Variants in PRXL2C observed in about 807,000 individuals in gnomAD.
The protein encoded by PRXL2C is peroxiredoxin-like 2C.
A neutral mutation model predicts 24.9 loss-of-function variants in PRXL2C; 38 were observed. The observed-to-expected ratio is 1.53, with a 90% CI of 1.18 to 2.00. PRXL2C has a LOEUF of 2.00. PRXL2C is among the 30% of genes most tolerant of loss of function. PRXL2C has a pLI of 0.00. For missense variants in PRXL2C, 294 were observed against 290.9 expected, an observed-to-expected ratio of 1.01 and a Z score of -0.08; for synonymous variants, 98 against 117.2, an observed-to-expected ratio of 0.84 and a Z score of 1.06.
intron 2 of PRXL2C, among the ~76,000 whole-genome samples, chr9:96,652,799 A>AC (rs1848286874): frequency 6.6e-6 from 1 of 152,236 alleles, no homozygotes; most frequent in African/African-American, 2.4e-5. Flanking sequence ...CAATCCCACT[A>AC]CTGGGCATTT....
Position 96,655,135 on chromosome 9 carries a change from G to C in PRXL2C, c.147C>G (p.Phe49Leu). Residue 49 changes from phenylalanine (F) to leucine (L), a missense_variant, in exon 1 of 6, where the codon TTC (phenylalanine) becomes TTG (leucine). By Grantham distance (22) the Phe-to-Leu change is conservative. Coordinates refer to ENST00000375234, the MANE Select transcript of PRXL2C (RefSeq NM_153698.2). The part of the protein sequence containing the change: ...VLDARGQRVP[F>L]GALFRERRAV... ...CGCGGCGCTCCCGGAACAGCGCGCC[G>C]AACGGTACCCGCTGCCCGCGGGCGT... is the stretch of plus-strand genomic sequence containing the variant. The C allele has an allele frequency of 1.2e-5, 17 of 1,376,948 alleles. No homozygotes were observed. Among genetic ancestry groups the C allele is most frequent in the Non-Finnish European group, 1.6e-5 (17 of 1,069,054 alleles). The allele number at this position is 1,376,948 out of a possible 1,614,324, so 85.3% of individuals were successfully genotyped here. A position where few individuals can be genotyped will look rare whatever the true frequency, so the allele number is the denominator to read the frequency against.
At chr9:96,645,855 C>A (rs1305424647) in intron 5 of PRXL2C, 38 bp downstream of exon 5, 2 of 1,545,078 alleles carry the variant, frequency 1.3e-6, no homozygotes, top group South Asian at 2.4e-5. Flanking sequence ...GTAAAAAGCA[C>A]AAGACGTCTA....
Position 96,655,256 on chromosome 9 carries a change from C to T in PRXL2C, c.26G>A (p.Arg9Gln). The change falls in exon 1 of 6, where the codon CGG (arginine) becomes CAG (glutamine). Residue 9 changes from arginine to glutamine, a missense_variant. By Grantham distance (43) the Arg-to-Gln change is conservative. Coordinates refer to ENST00000375234, the MANE Select transcript of PRXL2C (RefSeq NM_153698.2). ...CAGGGCGGCGGCGCCGCTAACCTGC[C>T]GCGTGACCGGGGCCGGCGCGGCCAT... MAAPAPVTRQVSGAAALVP... is the reference protein window; with the variant it reads MAAPAPVTQQVSGAAALVP... The T allele has an allele frequency of 9.0e-7, 1 of 1,105,504 alleles. No individual in the cohort carries two copies. Among genetic ancestry groups the T allele is most frequent in the Non-Finnish European group, 1.1e-6 (1 of 908,480 alleles). The allele number at this position is 1,105,504 out of a possible 1,614,324, so 68.5% of individuals were successfully genotyped here. A position where few individuals can be genotyped will look rare whatever the true frequency, so the allele number is the denominator to read the frequency against.
chr9:96,655,033 G>C (rs2119196982), intron 1 of PRXL2C, 57 bp downstream of exon 1: 3 of 1,430,498 alleles, frequency 2.1e-6, no homozygotes, highest in Admixed American at 2.9e-5. Flanking sequence ...CTCGCATCCC[G>C]GCAGCCTGCC....
In PRXL2C at chr9:96,651,277, CA is replaced by C. The variant is rs1051558011; in HGVS notation, c.421+112del. ...CCAGCAACAGAGTGAGACTCCATCT[CA>C]AAAAAAACAAAAAAGCCTGATTTAT... On this transcript the variant is annotated intron_variant, in intron 4 of 5. Transcript: ENST00000375234. 7.0e-5 allele frequency: 55 copies of C among 790,826 alleles called. No individual in the cohort carries two copies. In the Middle Eastern group the frequency reaches 1.2e-3, roughly 17 times the overall value. The allele number at this position is 790,826 out of a possible 1,614,324, so 49.0% of individuals were successfully genotyped here. A position where few individuals can be genotyped will look rare whatever the true frequency, so the allele number is the denominator to read the frequency against.
intron 2 of PRXL2C, among the ~76,000 whole-genome samples, chr9:96,652,577 A>G (rs1008436554): frequency 5.3e-5 from 8 of 152,060 alleles, no homozygotes; most frequent in Non-Finnish European, 8.8e-5. Context: ...GCTCAAAATC[A>G]CTACTCATCA....
intron 4 of PRXL2C, among the ~76,000 whole-genome samples, chr9:96,647,571 G>T (rs1159672626): frequency 6.6e-6 from 1 of 152,138 alleles, no homozygotes; most frequent in African/African-American, 2.4e-5. Context: ...TGCTCAGGCT[G>T]GAGTGCAGTG....
rs1389460420 is a variant in PRXL2C at position 96,640,778 on chromosome 9, G to A, written c.*981C>T. On this transcript the variant is annotated 3_prime_UTR_variant, in exon 6 of 6. Transcript: ENST00000375234. ...ACCCGGGAGGCGGAACTTGCAGTGAGCCGAGATCATGCCACTGCACTCCAG... is the reference window on the plus strand; with the variant it reads ...ACCCGGGAGGCGGAACTTGCAGTGAACCGAGATCATGCCACTGCACTCCAG... 6 of 145,600 alleles carry A rather than the reference G, an allele frequency of 4.1e-5. No individual in the cohort carries two copies. The highest frequency in any genetic ancestry group is 1.3e-4 in the African/African-American group (5 of 38,722). 9.0% of individuals were successfully genotyped at this position (145,600 alleles called of 1,614,324 possible). A position where few individuals can be genotyped will look rare whatever the true frequency, so the allele number is the denominator to read the frequency against.
chr9:96,654,992 C>A (rs1054605069), intron 1 of PRXL2C, 98 bp downstream of exon 1: 44 of 1,349,882 alleles, frequency 3.3e-5, no homozygotes, highest in Non-Finnish European at 3.9e-5. Flanking sequence ...GGCTGCCTTC[C>A]CGTTTCCGTC....
intron 5 of PRXL2C, 66 bp from the exon 6 acceptor site, chr9:96,641,952 A>G (rs1564407242): frequency 3.7e-6 from 5 of 1,333,702 alleles, no homozygotes; most frequent in Non-Finnish European, 2.0e-6. Context: ...GCTTACTAAA[A>G]TCAAGGAAGC....
Position 96,651,447 on chromosome 9 carries a change from C to T in PRXL2C, c.364G>A (p.Glu122Lys). 1.2e-6 allele frequency: 2 copies of T among 1,613,466 alleles called. No individual in the cohort carries two copies. The highest frequency in any genetic ancestry group is 1.7e-6 in the Non-Finnish European group (2 of 1,179,888). The change falls in exon 4 of 6, where the codon GAG becomes AAG. Residue 122 changes from glutamate (E) to lysine (K), a missense_variant. Physicochemically the swap from Glu to Lys is moderately conservative, Grantham distance 56 (BLOSUM62 1). Coordinates refer to ENST00000375234, the MANE Select transcript of PRXL2C (RefSeq NM_153698.2). ...GYSHEIYVDPEREIYKRLGMK... is the reference protein window; with the variant it reads ...GYSHEIYVDPKREIYKRLGMK... ...CCCAATCTTTTATAAATTTCTCTCTCAGGATCGACATAGATTTCATGAGAA... is the reference window on the plus strand; with the variant it reads ...CCCAATCTTTTATAAATTTCTCTCTTAGGATCGACATAGATTTCATGAGAA...
At position 96,648,828 on chromosome 9, in the gene PRXL2C, C is replaced by T. The variant is rs183368493; in HGVS notation, c.421+2562G>A. ...CGCTCTTGTTGCCCAGGCTAGAGTG[C>T]AATGGCACAATCTTGGCTCACCACA... On this transcript the variant is annotated intron_variant, in intron 4 of 5. Coordinates refer to ENST00000375234, the MANE Select transcript of PRXL2C (RefSeq NM_153698.2). Among the ~76,000 whole-genome samples the T allele has an allele frequency of 2.6e-3, 399 of 152,184 alleles. 4 individuals are homozygous for T. The highest frequency in any genetic ancestry group is 8.5e-3 in the African/African-American group (352 of 41,514).
rs1355456986 is a variant in PRXL2C at position 96,640,319 on chromosome 9, T to C, written c.*1440A>G. Reference sequence around the variant, plus strand: ...CGAGGCAGACGGATCACCTGAGGTATGGAGTTCGAGACCAGCCTGGCCAAC... The same window carrying C: ...CGAGGCAGACGGATCACCTGAGGTACGGAGTTCGAGACCAGCCTGGCCAAC... On this transcript the variant is annotated 3_prime_UTR_variant, in exon 6 of 6. Coordinates refer to ENST00000375234, the MANE Select transcript of PRXL2C (RefSeq NM_153698.2). 1.3e-5 allele frequency: 2 copies of C among 149,494 alleles called. No individual in the cohort carries two copies. Among genetic ancestry groups the C allele is most frequent in the East Asian group, 4.0e-4 (2 of 4,962 alleles). 9.3% of individuals were successfully genotyped at this position (149,494 alleles called of 1,614,324 possible). A position where few individuals can be genotyped will look rare whatever the true frequency, so the allele number is the denominator to read the frequency against.
chr9:96,641,894 A>C lies in PRXL2C; in HGVS notation c.554-8T>G. ...TAAAATGGATGTTGTTACCTAGAAG[A>C]GAATAAGAATAAAAGGCTGAGGCAT... On this transcript the variant is annotated splice_polypyrimidine_tract_variant and splice_region_variant and intron_variant, in intron 5 of 5. Transcript: ENST00000375234. 6.8e-7 allele frequency: 1 copy of C among 1,478,568 alleles called. No homozygotes were observed. Among genetic ancestry groups the C allele is most frequent in the Non-Finnish European group, 9.1e-7 (1 of 1,095,328 alleles). 91.6% of individuals were successfully genotyped at this position (1,478,568 alleles called of 1,614,324 possible).
At chr9:96,652,764 A>G (rs1205245350) in intron 2 of PRXL2C, among the ~76,000 whole-genome samples, 2 of 152,212 alleles carry the variant, frequency 1.3e-5, no homozygotes, top group African/African-American at 4.8e-5. Flanking sequence ...ATTAAAATTA[A>G]AAATAGAAAT....
At chr9:96,644,642 C>G (rs1300635523) in intron 5 of PRXL2C, among the ~76,000 whole-genome samples, 1 of 151,972 alleles carries the variant, frequency 6.6e-6, no homozygotes, top group Non-Finnish European at 1.5e-5. Flanking sequence ...TGCACCACCA[C>G]GCCCGGCTAA....
chr9:96,639,700 C>G lies in PRXL2C; in HGVS notation c.*2059G>C, dbSNP rs910349552. 2 of 152,026 alleles carry G rather than the reference C, an allele frequency of 1.3e-5. No individual in the cohort carries two copies. The highest frequency in any genetic ancestry group is 2.9e-5 in the Non-Finnish European group (2 of 68,014). 9.4% of individuals were successfully genotyped at this position (152,026 alleles called of 1,614,324 possible). On this transcript the variant is annotated 3_prime_UTR_variant, in exon 6 of 6. Transcript: ENST00000375234. ...ATGCTTCATATAAAAGTACTGAGTT[C>G]AAAGCAGTATTATACTTGCTAATCA...
chr9:96,649,480 C>T (rs1848240010), intron 4 of PRXL2C, among the ~76,000 whole-genome samples: 1 of 138,256 alleles, frequency 7.2e-6, no homozygotes, highest in Non-Finnish European at 1.5e-5. Flanking sequence ...AGGAGAATCA[C>T]TTGAACCCAG....
Position 96,655,085 on chromosome 9 carries a change from C to G in PRXL2C, c.192+5G>C. 6.9e-7 allele frequency: 1 copy of G among 1,455,360 alleles called. No individual in the cohort carries two copies. The highest frequency in any genetic ancestry group is 2.5e-5 in the Admixed American group (1 of 39,570). 90.2% of individuals were successfully genotyped at this position (1,455,360 alleles called of 1,614,324 possible). On this transcript the variant is annotated splice_donor_5th_base_variant and intron_variant, in intron 1 of 5. Transcript: ENST00000375234. The stretch of plus-strand genomic sequence containing the variant: ...GCTTCCCTTCCAGCCCCGCCGCCCG[C>G]TCACCCGCACGAACACCACCACGGC...
Sources: allele counts gnomAD v4.1 joint callset (sites outside exome capture counted in the v4.1 genomes callset), GRCh38; gene constraint gnomAD v4.1.1; transcripts MANE v1.5; gene names NCBI Gene and HGNC (gene_info 2026-07-23, HGNC 2026-07-21).